Variants in ZFP3 observed in about 807,000 individuals in gnomAD.
The protein encoded by ZFP3 is zinc finger protein 3 homolog.
ZFP3 carries 18 observed loss-of-function variants against 36.7 expected under a neutral mutation model. The observed-to-expected ratio is 0.49, with a 90% CI of 0.34 to 0.73. ZFP3 has a LOEUF of 0.73. Among genes scored for constraint, ZFP3 ranks in the 30% least tolerant of loss-of-function variants. The probability of loss-of-function intolerance (pLI) is 0.01; values close to 1 mark genes in which losing one functional copy is unlikely to be tolerated. For synonymous variants in ZFP3, 218 were observed against 199.0 expected, an observed-to-expected ratio of 1.10 and a Z score of -0.81; for missense variants, 495 against 599.0, an observed-to-expected ratio of 0.83 and a Z score of 1.81.
At chr17:5,083,212 G>T (rs576793008) in intron 1 of ZFP3, among the ~76,000 whole-genome samples, 1 of 152,054 alleles carries the variant, frequency 6.6e-6, no homozygotes, top group East Asian at 1.9e-4. Context: ...TGTAGGCCAG[G>T]TTTTGGGTAA....
chr17:5,085,403 C>G (rs1029032476), intron 1 of ZFP3, among the ~76,000 whole-genome samples: 25 of 151,084 alleles, frequency 1.7e-4, no homozygotes, highest in Admixed American at 1.6e-3. Context: ...GAGCCTTGCT[C>G]TGTCGCCCAG....
Position 5,092,152 on chromosome 17 carries a change from T to A in ZFP3, c.648T>A (p.His216Gln), listed in dbSNP as rs111925423. The A allele has an allele frequency of 3.5e-5, 57 of 1,614,136 alleles. No homozygotes were observed. In the East Asian group the frequency reaches 7.1e-4, roughly 20 times the overall value. ...AGAGTTCACACCTTATTCACCATCA[T>A]AGAATTCATACTGGAGAGAGACCCT... ...FIQSSHLIHH[H>Q]RIHTGERPYK... Residue 216 changes from histidine (H) to glutamine (Q), a missense_variant, in exon 2 of 2, where the codon CAT becomes CAA. Transcript: ENST00000318833. This position sits in a 1 kb window ranked among gnomAD's most constrained non-coding sequence, Gnocchi z 5.0.
At position 5,091,891 on chromosome 17, in the gene ZFP3, CA is replaced by C; in HGVS notation, c.391del (p.Thr131HisfsTer30). 1 of 1,614,136 alleles carries C rather than the reference CA, an allele frequency of 6.2e-7. No individual in the cohort carries two copies. The highest frequency in any genetic ancestry group is 1.1e-5 in the South Asian group (1 of 91,086). On this transcript the variant is annotated frameshift_variant, in exon 2 of 2. Coordinates refer to ENST00000318833, the MANE Select transcript of ZFP3 (RefSeq NM_153018.3). LOFTEE classifies it high-confidence loss of function. ...ACTTCCTAGAGATTTTAGAATCTAACAAAACACAGAGAAGTTCTGTGGGAGA... is the reference window on the plus strand; with the variant it reads ...ACTTCCTAGAGATTTTAGAATCTAACAAACACAGAGAAGTTCTGTGGGAGA... Reference protein sequence around the residue: ...QNFLEILESNKTQRSSVGEKP... With the variant: ...QNFLEILESNXTQRSSVGEKP...
At chr17:5,085,870 G>C (rs557236843) in intron 1 of ZFP3, among the ~76,000 whole-genome samples, 1 of 152,330 alleles carries the variant, frequency 6.6e-6, no homozygotes, top group East Asian at 1.9e-4. Context: ...AAAAGGAAAG[G>C]CCAGAGAGGG....
At position 5,094,180 on chromosome 17, in the gene ZFP3, T is replaced by C. The variant is rs184068233; in HGVS notation, c.*1167T>C. 3 of 167,280 alleles carry C rather than the reference T, an allele frequency of 1.8e-5. No individual in the cohort carries two copies. The highest frequency in any genetic ancestry group is 4.4e-5 in the Non-Finnish European group (3 of 68,146). The allele number at this position is 167,280 out of a possible 1,614,324, so 10.4% of individuals were successfully genotyped here. A position where few individuals can be genotyped will look rare whatever the true frequency, so the allele number is the denominator to read the frequency against. On this transcript the variant is annotated 3_prime_UTR_variant, in exon 2 of 2. Transcript: ENST00000318833. ...TAAGTCAGGATGTCGTAGCCTCTTC[T>C]TGGTTTTGCCCCTTGGCCTTGAAAT...
intron 1 of ZFP3, among the ~76,000 whole-genome samples, chr17:5,081,587 C>T (rs889135535): frequency 1.3e-5 from 2 of 149,982 alleles, no homozygotes; most frequent in Non-Finnish European, 3.0e-5. Flanking sequence ...TTCTTTTCTT[C>T]ATTTTATTTT....
intron 1 of ZFP3, among the ~76,000 whole-genome samples, chr17:5,085,650 G>A (rs1368348112): frequency 1.3e-5 from 2 of 152,214 alleles, no homozygotes; most frequent in Non-Finnish European, 2.9e-5. Context: ...TTATAGGTGT[G>A]AGCCACCACA....
At chr17:5,085,790 G>T (rs916271269) in intron 1 of ZFP3, among the ~76,000 whole-genome samples, 3 of 152,220 alleles carry the variant, frequency 2.0e-5, no homozygotes, top group African/African-American at 7.2e-5. Flanking sequence ...ACACGTGTCA[G>T]CTCTACGAAT....
chr17:5,083,857 T>G (rs1190911900), intron 1 of ZFP3, among the ~76,000 whole-genome samples: 2 of 65,064 alleles, frequency 3.1e-5, no homozygotes, highest in Non-Finnish European at 1.1e-4. Context: ...TTTTCTTTTC[T>G]TTTCTTTTCT....
chr17:5,094,547 GGT>G lies in ZFP3; in HGVS notation c.*1535_*1536del, dbSNP rs2072169893. 1 of 167,020 alleles carries G rather than the reference GGT, an allele frequency of 6.0e-6. No individual in the cohort carries two copies. Among genetic ancestry groups the G allele is most frequent in the South Asian group, 2.1e-4 (1 of 4,820 alleles). 10.3% of individuals were successfully genotyped at this position (167,020 alleles called of 1,614,324 possible). On this transcript the variant is annotated 3_prime_UTR_variant, in exon 2 of 2. Transcript: ENST00000318833. ...CCTTGAACAAGGCACTTCACCTGCT[GGT>G]CTCCAATTTTCTCCTCTGTAAAATG...
intron 1 of ZFP3, among the ~76,000 whole-genome samples, chr17:5,083,910 A>G (rs891175545): frequency 8.6e-5 from 13 of 150,946 alleles, no homozygotes; most frequent in Non-Finnish European, 1.6e-4. Flanking sequence ...TCTGTCGCCC[A>G]GGCTGGAGTG....
intron 1 of ZFP3, among the ~76,000 whole-genome samples, chr17:5,085,213 G>A (rs1036157715): frequency 2.0e-5 from 3 of 151,736 alleles, no homozygotes; most frequent in African/African-American, 7.3e-5. Context: ...CTAATTTTTT[G>A]TGTGTTTTTT....
At chr17:5,090,627 A>G (rs1188623312) in intron 1 of ZFP3, among the ~76,000 whole-genome samples, 1 of 152,184 alleles carries the variant, frequency 6.6e-6, no homozygotes, top group Non-Finnish European at 1.5e-5. Flanking sequence ...CTCATTTTGC[A>G]GTTACTTCCC....
rs1311632594 is a variant in ZFP3, at chr17:5,091,550, G to A, written c.46G>A (p.Glu16Lys). Residue 16 changes from glutamate to lysine, a missense_variant, in exon 2 of 2, where the codon GAA becomes AAA. By Grantham distance (56) the Glu-to-Lys change is moderately conservative. Coordinates refer to ENST00000318833, the MANE Select transcript of ZFP3 (RefSeq NM_153018.3). Reference protein sequence around the residue: ...KEVIPKEEISEESEPHGSLLE... With the variant: ...KEVIPKEEISKESEPHGSLLE... The stretch of plus-strand genomic sequence containing the variant: ...GGTGATTCCCAAGGAAGAAATTTCT[G>A]AAGAATCTGAGCCACATGGGTCATT... 1 of 1,614,060 alleles carries A rather than the reference G, an allele frequency of 6.2e-7. No homozygotes were observed. The highest frequency in any genetic ancestry group is 2.2e-5 in the East Asian group (1 of 44,898).
At chr17:5,081,414 G>A (rs1311815111) in intron 1 of ZFP3, among the ~76,000 whole-genome samples, 1 of 151,982 alleles carries the variant, frequency 6.6e-6, no homozygotes. Flanking sequence ...ATGTGGAGGG[G>A]GTACACAGAC....
Position 5,092,611 on chromosome 17 carries a change from A to T in ZFP3, c.1107A>T (p.Glu369Asp). ...GTGAGAAGCCCTATGTATGTAAGGAATGTGGGAAGGCCTTCAGGGGGAACT... is the reference window on the plus strand; with the variant it reads ...GTGAGAAGCCCTATGTATGTAAGGATTGTGGGAAGGCCTTCAGGGGGAACT... ...HTGEKPYVCK[E>D]CGKAFRGNSE... is the part of the protein sequence containing the mutation. The change falls in exon 2 of 2, where the codon GAA (glutamate) becomes GAT (aspartate). Residue 369 changes from glutamate to aspartate, a missense_variant. Transcript: ENST00000318833. This position sits in a 1 kb window ranked among gnomAD's most constrained non-coding sequence, Gnocchi z 5.0. The T allele has an allele frequency of 6.2e-7, 1 of 1,614,098 alleles. No homozygotes were observed. The highest frequency in any genetic ancestry group is 8.5e-7 in the Non-Finnish European group (1 of 1,179,976).
In ZFP3 at chr17:5,086,751, G is replaced by A. The variant is rs183351339; in HGVS notation, c.-8-4746G>A. 5.7e-3 allele frequency among the ~76,000 whole-genome samples: 779 copies of A among 135,588 alleles called. 10 individuals carry two copies. The highest frequency in any genetic ancestry group is 0.02 in the South Asian group (88 of 4,330). 89.0% of individuals were successfully genotyped at this position (135,588 alleles called of 152,430 possible). A position where few individuals can be genotyped will look rare whatever the true frequency, so the allele number is the denominator to read the frequency against. On this transcript the variant is annotated intron_variant, in intron 1 of 1. Coordinates refer to ENST00000318833, the MANE Select transcript of ZFP3 (RefSeq NM_153018.3). The stretch of plus-strand genomic sequence containing the variant: ...TTTTTTTTTTTTTTTTTTTTGAGAC[G>A]GAGTCTCGCTCTGTCACCCAGGCTG...
Position 5,091,963 on chromosome 17 carries a change from C to T in ZFP3, c.459C>T (p.Asn153=), listed in dbSNP as rs972385695. 131 of 1,614,016 alleles carry T rather than the reference C, an allele frequency of 8.1e-5. No homozygotes were observed. The highest frequency in any genetic ancestry group is 1.0e-4 in the Non-Finnish European group (121 of 1,179,994). ...CKECGKAFNQ[N]SHLIQHMRVH... Reference sequence around the variant, plus strand: ...AATGTGGGAAAGCCTTTAATCAGAACTCACATCTCATCCAGCATATGAGAG... The same window carrying T: ...AATGTGGGAAAGCCTTTAATCAGAATTCACATCTCATCCAGCATATGAGAG... The change falls in exon 2 of 2, where the codon AAC becomes AAT. Residue 153 remains asparagine (N), a synonymous_variant. Transcript: ENST00000318833.
intron 1 of ZFP3, among the ~76,000 whole-genome samples, chr17:5,085,265 C>G (rs1054892811): frequency 1.3e-5 from 2 of 151,932 alleles, no homozygotes; most frequent in Non-Finnish European, 2.9e-5. Context: ...AGGCTGGTCT[C>G]GAACTCCTGA....
Sources: allele counts gnomAD v4.1 joint callset (sites outside exome capture counted in the v4.1 genomes callset), GRCh38; gene constraint gnomAD v4.1.1; non-coding constraint Gnocchi (gnomAD v3.1); transcripts MANE v1.5; gene names NCBI Gene and HGNC (gene_info 2026-07-23, HGNC 2026-07-21).